Variants in HUNK observed in about 807,000 individuals in gnomAD.
HUNK encodes the protein hormonally up-regulated Neu-associated kinase.
Under a neutral mutation model 61.0 loss-of-function variants are expected in HUNK, and 21 were observed. That is an observed-to-expected ratio of 0.34 (90% confidence interval 0.24 to 0.50). The LOEUF (loss-of-function observed/expected upper bound fraction) is 0.50. Among genes scored for constraint, HUNK ranks in the 20% least tolerant of loss-of-function variants. The pLI, the probability that HUNK is intolerant of heterozygous loss-of-function variation, is 0.98. For synonymous variants in HUNK, 371 were observed against 386.1 expected (o/e 0.96, Z 0.46); for missense variants, 772 against 945.7 (o/e 0.82, Z 2.41).
intron 1 of HUNK, among the ~76,000 whole-genome samples, chr21:31,888,259 C>G (rs2052361742): frequency 1.3e-5 from 2 of 152,064 alleles, no homozygotes; most frequent in South Asian, 4.1e-4. Flanking sequence ...TAATAAGCAG[C>G]CAATCAGGTC....
At chr21:31,933,928 T>G (rs2052715320) in intron 2 of HUNK, among the ~76,000 whole-genome samples, 1 of 152,048 alleles carries the variant, frequency 6.6e-6, no homozygotes, top group South Asian at 2.1e-4. Context: ...ACCATTCACG[T>G]GAAGTGGGCA....
intron 8 of HUNK, among the ~76,000 whole-genome samples, chr21:31,989,586 C>T (rs1318946182): frequency 2.6e-5 from 4 of 151,918 alleles, no homozygotes; most frequent in East Asian, 1.9e-4. Context: ...TGGTGGTGCA[C>T]GCCTGTAATC....
At chr21:31,948,762 A>T (rs916603328) in intron 4 of HUNK, among the ~76,000 whole-genome samples, 1 of 152,216 alleles carries the variant, frequency 6.6e-6, no homozygotes, top group African/African-American at 2.4e-5. Flanking sequence ...AAGCTGGCTG[A>T]GAAAGCAAGC....
intron 1 of HUNK, among the ~76,000 whole-genome samples, chr21:31,917,691 AACATACACACACACACACACACACACAC>A (rs2052593615): frequency 9.2e-5 from 5 of 54,622 alleles, no homozygotes; most frequent in African/African-American, 1.8e-4. Flanking sequence ...CCCATTCCCA[AACATACACACACACACACACACACACAC>A]ACACACACAC....
intron 2 of HUNK, among the ~76,000 whole-genome samples, chr21:31,929,425 C>T (rs1408198730): frequency 3.3e-5 from 5 of 152,120 alleles, no homozygotes; most frequent in Non-Finnish European, 7.3e-5. Context: ...ATTGTCTAAG[C>T]TTCTCTAAAA....
rs1038248876 is a variant in HUNK, at chr21:31,990,594, G to A, written c.1305+418G>A. ...TCTGTCGCCCAGGCTGGAGTGCAAT[G>A]TTGTGATCTTGGCTCACTGCAACCT... On this transcript the variant is annotated intron_variant, in intron 9 of 10. Transcript: ENST00000270112. Among the ~76,000 whole-genome samples the A allele has an allele frequency of 4.6e-5, 7 of 151,622 alleles. No homozygotes were observed. In the South Asian group the frequency reaches 8.3e-4, roughly 18 times the overall value.
chr21:31,946,214 C>T, intron 4 of HUNK, 43 bp downstream of exon 4: 3 of 1,582,714 alleles, frequency 1.9e-6, no homozygotes, highest in Non-Finnish European at 2.6e-6. Context: ...CTCCTGCTGT[C>T]TCCACCGTGC....
chr21:31,933,775 ACT>A (rs1223635485), intron 2 of HUNK, among the ~76,000 whole-genome samples: 2 of 139,608 alleles, frequency 1.4e-5, no homozygotes, highest in Non-Finnish European at 3.0e-5. Context: ...ACAGAGCAAG[ACT>A]CTGTCTCAAA....
intron 4 of HUNK, among the ~76,000 whole-genome samples, chr21:31,958,070 T>C (rs1252717146): frequency 6.6e-6 from 1 of 152,146 alleles, no homozygotes; most frequent in East Asian, 1.9e-4. Flanking sequence ...ATAATGGCAG[T>C]ACTACTCTTA....
chr21:32,000,276 G>A lies in HUNK; in HGVS notation c.*1092G>A, dbSNP rs928092265. 7.5e-6 allele frequency: 3 copies of A among 399,016 alleles called. No homozygotes were observed. Among genetic ancestry groups the A allele is most frequent in the African/African-American group, 6.2e-5 (3 of 48,628 alleles). 24.7% of individuals were successfully genotyped at this position (399,016 alleles called of 1,614,324 possible). A position where few individuals can be genotyped will look rare whatever the true frequency, so the allele number is the denominator to read the frequency against. On this transcript the variant is annotated 3_prime_UTR_variant, in exon 11 of 11. Coordinates refer to ENST00000270112, the MANE Select transcript of HUNK (RefSeq NM_014586.2). ...GAGCTCGGCGAGTTTGCTGGGAGCT[G>A]GGAGCAGGCTTGCCTGGCAGAGAAC...
intron 1 of HUNK, among the ~76,000 whole-genome samples, chr21:31,920,151 C>T (rs968278865): frequency 3.9e-5 from 6 of 152,210 alleles, no homozygotes; most frequent in Non-Finnish European, 8.8e-5. Flanking sequence ...CCTCCTTCCT[C>T]CTGTGGCTGC....
chr21:31,915,626 T>G (rs1006480088), intron 1 of HUNK, among the ~76,000 whole-genome samples: 1 of 152,208 alleles, frequency 6.6e-6, no homozygotes, highest in African/African-American at 2.4e-5. Flanking sequence ...TTTTGGAGAT[T>G]GGATACATCA....
chr21:31,910,664 T>G (rs748405456), intron 1 of HUNK, among the ~76,000 whole-genome samples: 2 of 152,090 alleles, frequency 1.3e-5, no homozygotes, highest in African/African-American at 2.4e-5. Flanking sequence ...AATTTTTGTA[T>G]TTTTAATAGA....
chr21:31,997,555 G>A (rs1401081842), intron 10 of HUNK, among the ~76,000 whole-genome samples: 1 of 152,196 alleles, frequency 6.6e-6, no homozygotes, highest in Non-Finnish European at 1.5e-5. Flanking sequence ...GAGACAGGCA[G>A]TAAAATGGTG....
chr21:31,910,035 A>G lies in HUNK; in HGVS notation c.262-14433A>G, dbSNP rs78980190. ...CCACCCTGCCCAAATCATTTCCTCC[A>G]GTGCTGTCAACCAGGTTTGAATTTT... On this transcript the variant is annotated intron_variant, in intron 1 of 10. Coordinates refer to ENST00000270112, the MANE Select transcript of HUNK (RefSeq NM_014586.2). Among the ~76,000 whole-genome samples, 183 of 152,252 alleles carry G rather than the reference A, an allele frequency of 1.2e-3. 4 individuals are homozygous for G. In the East Asian group the frequency reaches 0.025, roughly 21 times the overall value.
At chr21:31,991,785 C>A (rs1401228911) in intron 9 of HUNK, among the ~76,000 whole-genome samples, 1 of 152,202 alleles carries the variant, frequency 6.6e-6, no homozygotes, top group Non-Finnish European at 1.5e-5. Context: ...TACCTCAGCT[C>A]CCAGGGCTCC....
rs548228569 is a variant in HUNK, at chr21:31,921,292, C to T, written c.262-3176C>T. Reference sequence around the variant, plus strand: ...TATTAGTCACTTGCTGTTTATGAAGCGCTGTGTGTCGTGAAGGGGGAGTGG... The same window carrying T: ...TATTAGTCACTTGCTGTTTATGAAGTGCTGTGTGTCGTGAAGGGGGAGTGG... On this transcript the variant is annotated intron_variant, in intron 1 of 10. Coordinates refer to ENST00000270112, the MANE Select transcript of HUNK (RefSeq NM_014586.2). Among the ~76,000 whole-genome samples, 10 of 151,234 alleles carry T rather than the reference C, an allele frequency of 6.6e-5. No individual in the cohort carries two copies. In the East Asian group the frequency reaches 7.8e-4, roughly 12 times the overall value.
chr21:31,971,813 C>T (rs2053013004), intron 6 of HUNK, among the ~76,000 whole-genome samples: 1 of 149,070 alleles, frequency 6.7e-6, no homozygotes, highest in African/African-American at 2.5e-5. Context: ...CAGCTCCCCT[C>T]CTGATCCAGG....
intron 2 of HUNK, among the ~76,000 whole-genome samples, chr21:31,928,561 T>C (rs1004012517): frequency 2.0e-5 from 3 of 152,228 alleles, no homozygotes; most frequent in African/African-American, 7.2e-5. Context: ...GCTCAGATCT[T>C]TTAAAGTTAG....
Sources: gnomAD v4.1 joint callset for allele counts (sites outside exome capture counted in the v4.1 genomes callset) on GRCh38, gnomAD v4.1.1 for gene constraint, MANE v1.5 for transcripts, NCBI Gene and HGNC (gene_info 2026-07-23, HGNC 2026-07-21) for gene names.